The following RPTOR variants were observed in gnomAD, a reference collection of about 807,000 sequenced individuals.
RPTOR encodes the protein regulatory associated protein of MTOR complex 1, also known as regulatory-associated protein of mTOR.
In RPTOR, 21 loss-of-function variants were observed where a neutral mutation model predicts 169.9. The ratio of observed to expected loss-of-function variants is 0.12; its 90% confidence interval spans 0.09 to 0.18. The LOEUF is 0.18. RPTOR is among the 10% of genes least tolerant of loss of function. RPTOR has a pLI of 1.00. For synonymous variants in RPTOR, 732 were observed against 753.2 expected, an observed-to-expected ratio of 0.97 and a Z score of 0.46; for missense variants, 1,133 against 1,855.9, an observed-to-expected ratio of 0.61 and a Z score of 7.16.
chr17:80,640,544 G>A (rs74000846), intron 2 of RPTOR, among the ~76,000 whole-genome samples: 3,446 of 152,286 alleles, frequency 0.023, 132 homozygotes, highest in African/African-American at 0.078. Flanking sequence ...AGCTGGTCAC[G>A]GCCTGGTGAG....
intron 4 of RPTOR, among the ~76,000 whole-genome samples, chr17:80,720,975 GAC>G (rs1317067019): frequency 6.6e-6 from 1 of 151,102 alleles, no homozygotes; most frequent in African/African-American, 2.5e-5. Context: ...TGTCGGGAGA[GAC>G]ACTTCCCCGA....
At chr17:80,727,226 C>T (rs917729360) in intron 4 of RPTOR, among the ~76,000 whole-genome samples, 1 of 151,260 alleles carries the variant, frequency 6.6e-6, no homozygotes, top group African/African-American at 2.4e-5. Flanking sequence ...CTGACCACAT[C>T]ATGCTCCGAG....
intron 20 of RPTOR, among the ~76,000 whole-genome samples, chr17:80,898,133 T>G (rs991428796): frequency 2.0e-5 from 3 of 152,220 alleles, no homozygotes; most frequent in Non-Finnish European, 2.9e-5. Flanking sequence ...GCTGATAGGA[T>G]TATTTACATT....
intron 1 of RPTOR, among the ~76,000 whole-genome samples, chr17:80,610,795 A>G (rs554820436): frequency 1.6e-4 from 24 of 152,290 alleles, no homozygotes; most frequent in African/African-American, 5.8e-4. Flanking sequence ...GAAAACCCAG[A>G]AAGTTCTTTT....
chr17:80,796,622 A>AAT (rs2067104193), intron 7 of RPTOR, among the ~76,000 whole-genome samples: 1 of 152,186 alleles, frequency 6.6e-6, no homozygotes, highest in African/African-American at 2.4e-5. Context: ...GTTCAAGATG[A>AAT]GATTTGGGTA....
At chr17:80,781,675 G>C (rs2066943559) in intron 6 of RPTOR, among the ~76,000 whole-genome samples, 1 of 152,210 alleles carries the variant, frequency 6.6e-6, no homozygotes, top group Non-Finnish European at 1.5e-5. Flanking sequence ...ACTGGGCTTG[G>C]ATCGCCCATT....
intron 4 of RPTOR, among the ~76,000 whole-genome samples, chr17:80,710,909 T>G (rs901200526): frequency 6.6e-6 from 1 of 152,246 alleles, no homozygotes; most frequent in Non-Finnish European, 1.5e-5. Context: ...TATATATACT[T>G]GAATAGTTTT....
chr17:80,829,557 G>A (rs774428509), intron 9 of RPTOR, among the ~76,000 whole-genome samples: 68 of 152,352 alleles, frequency 4.5e-4, no homozygotes, highest in Non-Finnish European at 7.9e-4. Flanking sequence ...TAGCCTGCCT[G>A]TTCCAAGCTG....
chr17:80,774,394 A>G (rs1337413226), intron 6 of RPTOR: 37 of 972,870 alleles, frequency 3.8e-5, no homozygotes, highest in African/African-American at 5.3e-5. Context: ...ATGGTGTCAC[A>G]TTTGCTCTTA....
chr17:80,744,180 A>G (rs370076361), intron 5 of RPTOR, among the ~76,000 whole-genome samples: 19 of 1,736 alleles, frequency 0.011, 3 homozygotes, highest in East Asian at 0.034. Context: ...TACTAGCACT[A>G]TCCTGGCTAC....
chr17:80,846,123 C>A (rs2143712263), intron 10 of RPTOR, among the ~76,000 whole-genome samples: 1 of 152,380 alleles, frequency 6.6e-6, no homozygotes, highest in Non-Finnish European at 1.5e-5. Flanking sequence ...GGGTCCCCTG[C>A]CCCCGGCATC....
At chr17:80,909,886 T>C (rs1325936146) in intron 21 of RPTOR, 1 of 152,228 alleles carries the variant, frequency 6.6e-6, no homozygotes, top group African/African-American at 2.4e-5. Context: ...TTTAATTTGC[T>C]CTTCTCATCC....
chr17:80,625,793 G>A lies in RPTOR; in HGVS notation c.265G>A (p.Asp89Asn), dbSNP rs772240053. ...CTGTGCACGCTTGGAATGCTGGATC[G>A]GTGAGTATGCCTCCCTCACGCGCTG... ...TPCARLECWIDPLSMGPQKAL... is the reference protein window; with the variant it reads ...TPCARLECWINPLSMGPQKAL... The change falls in exon 2 of 34, where the codon GAT (aspartate) becomes AAT (asparagine). Residue 89 changes from aspartate (D) to asparagine (N), a missense_variant and splice_region_variant. Physicochemically the swap from Asp to Asn is conservative, Grantham distance 23 (BLOSUM62 1). Coordinates refer to ENST00000306801, the MANE Select transcript of RPTOR (RefSeq NM_020761.3). 1.2e-6 allele frequency: 2 copies of A among 1,601,368 alleles called. No individual in the cohort carries two copies. Among genetic ancestry groups the A allele is most frequent in the Non-Finnish European group, 1.7e-6 (2 of 1,169,620 alleles).
At chr17:80,793,948 C>G (rs1007346014) in intron 7 of RPTOR, among the ~76,000 whole-genome samples, 9 of 152,324 alleles carry the variant, frequency 5.9e-5, no homozygotes, top group Admixed American at 5.2e-4. Flanking sequence ...CCACTGTCGT[C>G]TGCCCAACAC....
At chr17:80,920,521 C>A (rs9893657) in intron 21 of RPTOR, among the ~76,000 whole-genome samples, 2 of 152,102 alleles carry the variant, frequency 1.3e-5, no homozygotes, top group African/African-American at 4.8e-5. Context: ...TGCCGAGGCC[C>A]GGATCAGTTC....
chr17:80,661,069 G>A (rs1457678302), intron 3 of RPTOR, among the ~76,000 whole-genome samples: 3 of 152,098 alleles, frequency 2.0e-5, no homozygotes, highest in Admixed American at 6.5e-5. Flanking sequence ...TCTTACTGCC[G>A]ACCTACCACA....
chr17:80,951,364 G>A lies in RPTOR; in HGVS notation c.3370+1817G>A, dbSNP rs139562766. Reference sequence around the variant, plus strand: ...AGGAAGCAGCACTGACGAGAAAAGCGGCCTTCTCGGCCCAGACCCTCCAGT... The same window carrying A: ...AGGAAGCAGCACTGACGAGAAAAGCAGCCTTCTCGGCCCAGACCCTCCAGT... On this transcript the variant is annotated intron_variant, in intron 28 of 33. Coordinates refer to ENST00000306801, the MANE Select transcript of RPTOR (RefSeq NM_020761.3). 5.0e-3 allele frequency among the ~76,000 whole-genome samples: 756 copies of A among 152,296 alleles called. 8 individuals are homozygous for A. The highest frequency in any genetic ancestry group is 0.027 in the South Asian group (131 of 4,822).
At chr17:80,704,456 G>C (rs951323835) in intron 3 of RPTOR, among the ~76,000 whole-genome samples, 3 of 152,104 alleles carry the variant, frequency 2.0e-5, no homozygotes, top group Non-Finnish European at 4.4e-5. Context: ...CATCATTTTC[G>C]TAAGTCTTAG....
intron 20 of RPTOR, among the ~76,000 whole-genome samples, chr17:80,908,193 G>C (rs2068568158): frequency 6.6e-6 from 1 of 152,248 alleles, no homozygotes; most frequent in African/African-American, 2.4e-5. Context: ...GCTGGGTCCT[G>C]CCTTGTCTGT....
Sources: gnomAD v4.1 joint callset for allele counts (sites outside exome capture counted in the v4.1 genomes callset) on GRCh38, gnomAD v4.1.1 for gene constraint, MANE v1.5 for transcripts, NCBI Gene and HGNC (gene_info 2026-07-23, HGNC 2026-07-21) for gene names.